Variants in ARSK observed in about 807,000 individuals in gnomAD.
ARSK encodes arylsulfatase K.
A neutral mutation model predicts 53.2 loss-of-function variants in ARSK; 37 were observed. That is an observed-to-expected ratio of 0.70 (90% CI 0.54 to 0.92). The LOEUF (loss-of-function observed/expected upper bound fraction) is 0.92, where lower values mean the gene tolerates loss of function less well. ARSK is among the 40% of genes least tolerant of loss of function. The pLI, the probability that ARSK is intolerant of heterozygous loss-of-function variation, is 0.00. For synonymous variants in ARSK, 208 were observed against 223.2 expected (o/e 0.93, Z 0.61); for missense variants, 613 against 643.0 (o/e 0.95, Z 0.51).
At chr5:95,582,511 A>T (rs1190086748) in intron 3 of ARSK, among the ~76,000 whole-genome samples, 1 of 152,154 alleles carries the variant, frequency 6.6e-6, no homozygotes, top group African/African-American at 2.4e-5. Flanking sequence ...TTTTGAAACT[A>T]TAAATGTTTA....
intron 3 of ARSK, among the ~76,000 whole-genome samples, chr5:95,575,851 C>T (rs936269326): frequency 1.3e-5 from 2 of 152,156 alleles, no homozygotes; most frequent in Non-Finnish European, 1.5e-5. Flanking sequence ...AATTTGACTC[C>T]TTCCTTTTCA....
rs143780217 is a variant in ARSK, at chr5:95,597,473, G to A, written c.1097-3374G>A. Among the ~76,000 whole-genome samples the A allele has an allele frequency of 8.3e-3, 1,257 of 152,298 alleles. 6 individuals are homozygous for A. Among genetic ancestry groups the A allele is most frequent in the Non-Finnish European group, 0.014 (937 of 68,024 alleles). ...ACTACAGTAAGGCAAGGCTTATGGT[G>A]TAGTATTAAAAGTACAGAGATTGTA... On this transcript the variant is annotated intron_variant, in intron 6 of 7. Coordinates refer to ENST00000380009, the MANE Select transcript of ARSK (RefSeq NM_198150.3).
At chr5:95,568,764 A>G (rs1748774198) in intron 3 of ARSK, among the ~76,000 whole-genome samples, 1 of 152,122 alleles carries the variant, frequency 6.6e-6, no homozygotes, top group African/African-American at 2.4e-5. Context: ...TCCTTAACTG[A>G]TAAGAGTGGC....
intron 6 of ARSK, among the ~76,000 whole-genome samples, chr5:95,596,157 T>A (rs1034596464): frequency 6.6e-6 from 1 of 152,220 alleles, no homozygotes; most frequent in Non-Finnish European, 1.5e-5. Flanking sequence ...TCCTCAGTGC[T>A]GGAACAGTTT....
intron 7 of ARSK, among the ~76,000 whole-genome samples, chr5:95,601,684 C>G (rs1393635803): frequency 6.6e-6 from 1 of 152,092 alleles, no homozygotes; most frequent in Non-Finnish European, 1.5e-5. Flanking sequence ...ATCCTTTGTC[C>G]CCATTTAGTA....
At chr5:95,591,194 T>C (rs1332128027) in intron 5 of ARSK, among the ~76,000 whole-genome samples, 2 of 152,152 alleles carry the variant, frequency 1.3e-5, no homozygotes, top group African/African-American at 2.4e-5. Context: ...ATGGGTATTA[T>C]ATTTTCTTCT....
In ARSK at chr5:95,568,051, T is replaced by C; in HGVS notation, c.416+2T>C. ...TACTTCAGGACATCACTCCATTAGG[T>C]AAAAATAAAACAAAAATAATCATCA... On this transcript the variant is annotated splice_donor_variant, in intron 3 of 7. Coordinates refer to ENST00000380009, the MANE Select transcript of ARSK (RefSeq NM_198150.3). LOFTEE classifies it high-confidence loss of function. The C allele has an allele frequency of 1.2e-6, 2 of 1,612,044 alleles. No homozygotes were observed. Among genetic ancestry groups the C allele is most frequent in the Non-Finnish European group, 1.7e-6 (2 of 1,179,102 alleles).
intron 7 of ARSK, among the ~76,000 whole-genome samples, chr5:95,601,868 C>T (rs1749405797): frequency 6.6e-6 from 1 of 152,102 alleles, no homozygotes; most frequent in South Asian, 2.1e-4. Flanking sequence ...ACATTTTCAT[C>T]CTGATGAGTA....
At position 95,589,341 on chromosome 5, in the gene ARSK, C is replaced by T. The variant is rs549590503; in HGVS notation, c.872-2060C>T. Among the ~76,000 whole-genome samples the T allele has an allele frequency of 9.2e-5, 14 of 152,208 alleles. No individual in the cohort carries two copies. In the South Asian group the frequency reaches 1.2e-3, roughly 14 times the overall value. ...TATGCAGGTTTGTTACATAGGTAAA[C>T]GTGTGCATAGGTAAAAGGTGGTTTG... On this transcript the variant is annotated intron_variant, in intron 5 of 7. Transcript: ENST00000380009.
At chr5:95,567,833 A>G in intron 2 of ARSK, 57 bp from the exon 3 acceptor site, 2 of 1,513,786 alleles carry the variant, frequency 1.3e-6, no homozygotes, top group Non-Finnish European at 1.8e-6. Flanking sequence ...TAATTGTCCT[A>G]ATAGTTAAAT....
At chr5:95,598,138 A>G (rs1160452574) in intron 6 of ARSK, among the ~76,000 whole-genome samples, 1 of 152,180 alleles carries the variant, frequency 6.6e-6, no homozygotes, top group Non-Finnish European at 1.5e-5. Flanking sequence ...ACACATATCC[A>G]GGCCTGCATT....
Position 95,586,691 on chromosome 5 carries a change from G to A in ARSK, c.829G>A (p.Ala277Thr), listed in dbSNP as rs1012922249. Residue 277 changes from alanine to threonine, a missense_variant, in exon 5 of 8, where the codon GCA becomes ACA. By Grantham distance (58) the Ala-to-Thr change is moderately conservative (BLOSUM62 0). Coordinates refer to ENST00000380009, the MANE Select transcript of ARSK (RefSeq NM_198150.3). ...AAAAAAAGAAATTAAGAATATTAGA[G>A]CATTTTATTATGCTATGTGTGCTGA... ...FTKKEIKNIRAFYYAMCAETD... is the reference protein window; with the variant it reads ...FTKKEIKNIRTFYYAMCAETD... 6.2e-7 allele frequency: 1 copy of A among 1,611,796 alleles called. No individual in the cohort carries two copies. The highest frequency in any genetic ancestry group is 1.7e-5 in the Admixed American group (1 of 59,760).
intron 6 of ARSK, among the ~76,000 whole-genome samples, chr5:95,597,806 A>C (rs1407015721): frequency 1.3e-5 from 2 of 151,618 alleles, no homozygotes; most frequent in African/African-American, 4.9e-5. Context: ...AGGCAGGAGA[A>C]TCACTTGAAC....
intron 6 of ARSK, 45 bp from the exon 7 acceptor site, chr5:95,600,802 A>G: frequency 6.6e-7 from 1 of 1,506,650 alleles, no homozygotes; most frequent in Non-Finnish European, 9.2e-7. Flanking sequence ...TCAGCTAATA[A>G]AAGAATGAGC....
At chr5:95,587,479 G>C (rs1022510097) in intron 5 of ARSK, among the ~76,000 whole-genome samples, 1 of 152,040 alleles carries the variant, frequency 6.6e-6, no homozygotes, top group Non-Finnish European at 1.5e-5. Context: ...CTTCTGTACA[G>C]AGTAAACTTT....
In ARSK at chr5:95,555,377, T is replaced by C. The variant is rs1427682278; in HGVS notation, c.99T>C (p.Asn33=). The change falls in exon 1 of 8, where the codon AAT becomes AAC. Residue 33 remains asparagine, a synonymous_variant. Transcript: ENST00000380009. This position sits in a 1 kb window ranked among gnomAD's most constrained non-coding sequence, Gnocchi z 4.0. ...GGCGGAGAGCAGCCAAAGCGCCCAA[T>C]GTGGTGCTGGTCGTGAGCGACTCCT... ...EQRRRAAKAP[N]VVLVVSDSFD... 6.2e-7 allele frequency: 1 copy of C among 1,609,416 alleles called. No homozygotes were observed.
chr5:95,565,841 G>T (rs549514031), intron 1 of ARSK, among the ~76,000 whole-genome samples, 157 bp from the exon 2 acceptor site: 1 of 152,298 alleles, frequency 6.6e-6, no homozygotes, highest in South Asian at 2.1e-4. Context: ...TTATGTACCA[G>T]ATACTGGAAA....
At chr5:95,594,153 C>T (rs1749262709) in intron 6 of ARSK, among the ~76,000 whole-genome samples, 1 of 151,954 alleles carries the variant, frequency 6.6e-6, no homozygotes, top group African/African-American at 2.4e-5. Flanking sequence ...GTGGAGAATA[C>T]CTATGGATGG....
rs768871566 is a variant in ARSK at position 95,583,124 on chromosome 5, C to A, written c.625C>A (p.Pro209Thr). ...VIYLGLNLPH[P>T]YPSPSSGENF... is the part of the protein sequence containing the mutation. ...TTACTTGGGATTAAATTTACCACACCCTTACCCTTCACCATCTTCTGGAGA... is the reference window on the plus strand; with the variant it reads ...TTACTTGGGATTAAATTTACCACACACTTACCCTTCACCATCTTCTGGAGA... Residue 209 changes from proline (P) to threonine (T), a missense_variant, in exon 4 of 8, where the codon CCT becomes ACT. Transcript: ENST00000380009. 6.2e-7 allele frequency: 1 copy of A among 1,610,254 alleles called. No individual in the cohort carries two copies. Among genetic ancestry groups the A allele is most frequent in the South Asian group, 1.1e-5 (1 of 90,680 alleles).
Sources: gnomAD v4.1 joint callset for allele counts (sites outside exome capture counted in the v4.1 genomes callset) on GRCh38, gnomAD v4.1.1 for gene constraint, Gnocchi (gnomAD v3.1) non-coding constraint, MANE v1.5 for transcripts, NCBI Gene and HGNC (gene_info 2026-07-23, HGNC 2026-07-21) for gene names.